Variants in FRMD4B observed in about 807,000 individuals in gnomAD.
The protein encoded by FRMD4B is FERM domain containing 4B, also known as FERM domain-containing protein 4B.
In FRMD4B, 74 loss-of-function variants were observed where a neutral mutation model predicts 141.5. That is an observed-to-expected ratio of 0.52 (90% confidence interval 0.43 to 0.63). The LOEUF (loss-of-function observed/expected upper bound fraction) is 0.63. Among genes scored for constraint, FRMD4B ranks in the 30% least tolerant of loss-of-function variants. The probability of loss-of-function intolerance (pLI) is 0.00; values close to 1 mark genes in which losing one functional copy is unlikely to be tolerated. For missense variants in FRMD4B, 1,366 were observed against 1,253.4 expected (o/e 1.09, Z -1.36); for synonymous variants, 506 against 467.9 (o/e 1.08, Z -1.05).
At chr3:69,391,692 G>A (rs769533333) in intron 2 of FRMD4B, among the ~76,000 whole-genome samples, 1 of 152,108 alleles carries the variant, frequency 6.6e-6, no homozygotes, top group Non-Finnish European at 1.5e-5. Context: ...ACACACAATG[G>A]GATATTGCTC....
intron 7 of FRMD4B, among the ~76,000 whole-genome samples, chr3:69,225,895 A>G (rs1234562916): frequency 2.0e-5 from 3 of 152,226 alleles, no homozygotes; most frequent in Non-Finnish European, 1.5e-5. Flanking sequence ...ATCAAACAGC[A>G]TAATGCTAAC....
chr3:69,429,251 G>A (rs1245317026), intron 2 of FRMD4B, among the ~76,000 whole-genome samples: 2 of 152,152 alleles, frequency 1.3e-5, no homozygotes, highest in South Asian at 2.1e-4. Context: ...ATTTGTGCCA[G>A]TTTATCTGGA....
intron 11 of FRMD4B, chr3:69,199,078 CG>C (rs1553699524): frequency 3.9e-6 from 1 of 256,754 alleles, no homozygotes; most frequent in Non-Finnish European, 7.7e-6. Context: ...AGACCATCCT[CG>C]CTAACACGGT....
intron 1 of FRMD4B, among the ~76,000 whole-genome samples, chr3:69,435,102 T>C (rs1368439553): frequency 4.6e-5 from 7 of 152,138 alleles, no homozygotes; most frequent in Non-Finnish European, 5.9e-5. Context: ...ATCACCTCTT[T>C]AGAGACCCTA....
intron 1 of FRMD4B, among the ~76,000 whole-genome samples, chr3:69,477,202 C>T (rs907942025): frequency 6.6e-6 from 1 of 151,994 alleles, no homozygotes; most frequent in African/African-American, 2.4e-5. Flanking sequence ...TTATTTCCTT[C>T]TCCTGCCTGA....
chr3:69,472,925 C>CTTTTTTT (rs796453101), intron 1 of FRMD4B, among the ~76,000 whole-genome samples: 1,095 of 90,636 alleles, frequency 0.012, 56 homozygotes, highest in South Asian at 0.026. Context: ...GTGAGTCTTT[C>CTTTTTTT]TTTTTTTTTT....
In FRMD4B at chr3:69,193,658, T is replaced by C; in HGVS notation, c.1704A>G (p.Thr568=). Residue 568 remains threonine, a synonymous_variant, in exon 17 of 23, where the codon ACA becomes ACG. Coordinates refer to ENST00000398540, the MANE Select transcript of FRMD4B (RefSeq NM_015123.3). ...TTACTTATTACTAACCTGGTAACACTGTTGCTTTCTGGCTGGGTTTCTTTC... is the reference window on the plus strand; with the variant it reads ...TTACTTATTACTAACCTGGTAACACCGTTGCTTTCTGGCTGGGTTTCTTTC... ...RCGKKPSQKA[T]VLPEDIIPSE... is the part of the protein sequence containing the mutation. The C allele has an allele frequency of 6.2e-7, 1 of 1,604,734 alleles. No homozygotes were observed. Among genetic ancestry groups the C allele is most frequent in the Non-Finnish European group, 8.5e-7 (1 of 1,172,172 alleles).
intron 1 of FRMD4B, among the ~76,000 whole-genome samples, chr3:69,356,166 C>T (rs1330462520): frequency 2.0e-5 from 3 of 152,030 alleles, no homozygotes; most frequent in African/African-American, 7.2e-5. Context: ...AATAAAATCA[C>T]TCTACCCCCA....
chr3:69,290,959 T>A (rs1292180319), intron 4 of FRMD4B, among the ~76,000 whole-genome samples: 1 of 152,170 alleles, frequency 6.6e-6, no homozygotes, highest in Admixed American at 6.5e-5. Context: ...CTCAACCATG[T>A]AAAAAATAGC....
At chr3:69,385,776 CG>C in intron 1 of FRMD4B, 51 bp downstream of exon 1, 1 of 1,435,380 alleles carries the variant, frequency 7.0e-7, no homozygotes, top group Non-Finnish European at 9.3e-7. Context: ...CTGCTTCCCA[CG>C]AGTGCCCGGC....
intron 22 of FRMD4B, among the ~76,000 whole-genome samples, chr3:69,176,103 A>T (rs568251622): frequency 1.8e-4 from 27 of 152,236 alleles, no homozygotes; most frequent in African/African-American, 6.3e-4. Context: ...TAAAGGCCAG[A>T]TATTTTTGGC....
intron 1 of FRMD4B, among the ~76,000 whole-genome samples, chr3:69,458,330 G>C (rs866566075): frequency 6.6e-6 from 1 of 152,186 alleles, no homozygotes; most frequent in Non-Finnish European, 1.5e-5. Flanking sequence ...TATGCTCACA[G>C]AGCATGAGGC....
intron 5 of FRMD4B, among the ~76,000 whole-genome samples, chr3:69,269,281 A>G (rs76709244): frequency 2.0e-5 from 3 of 151,846 alleles, no homozygotes; most frequent in East Asian, 3.9e-4. Context: ...AATATCATCA[A>G]TAACTACAAA....
chr3:69,233,983 A>G (rs2093328595), intron 7 of FRMD4B, among the ~76,000 whole-genome samples: 1 of 152,178 alleles, frequency 6.6e-6, no homozygotes. Context: ...GTAGTAGCTC[A>G]TGTCTGTAAT....
In FRMD4B at chr3:69,182,680, G is replaced by C. The variant is rs370756612; in HGVS notation, c.1957C>G (p.Leu653Val). The C allele has an allele frequency of 4.1e-5, 66 of 1,613,558 alleles. No homozygotes were observed. Among genetic ancestry groups the C allele is most frequent in the Middle Eastern group, 1.6e-4 (1 of 6,084 alleles). The change falls in exon 20 of 23, where the codon CTG becomes GTG. Residue 653 changes from leucine to valine, a missense_variant. Leu to Val is a conservative substitution (Grantham distance 32). Transcript: ENST00000398540. ...LSTHSSPYKT[L>V]ERRPQGGRSM... ...CGTCCTCCCTGGGGCCGCCTCTCCA[G>C]AGTTTTGTAAGGGCTGCTGTGTGTG...
At chr3:69,247,327 C>A (rs1357552044) in intron 7 of FRMD4B, among the ~76,000 whole-genome samples, 1 of 152,040 alleles carries the variant, frequency 6.6e-6, no homozygotes, top group East Asian at 1.9e-4. Flanking sequence ...TGAGTGTGAG[C>A]TTTTGGGCCC....
At chr3:69,236,234 T>TG (rs981099637) in intron 7 of FRMD4B, among the ~76,000 whole-genome samples, 1 of 151,574 alleles carries the variant, frequency 6.6e-6, no homozygotes, top group African/African-American at 2.4e-5. Context: ...TTTGGTTTTT[T>TG]TTTTTTTTTT....
intron 1 of FRMD4B, among the ~76,000 whole-genome samples, chr3:69,475,671 G>A (rs1234323856): frequency 1.3e-5 from 2 of 152,084 alleles, no homozygotes; most frequent in African/African-American, 2.4e-5. Flanking sequence ...AAACATACGT[G>A]TGCATGTGTC....
intron 1 of FRMD4B, among the ~76,000 whole-genome samples, chr3:69,337,075 C>T (rs1451209210): frequency 6.6e-6 from 1 of 152,100 alleles, no homozygotes; most frequent in Non-Finnish European, 1.5e-5. Context: ...GCTACAGTAA[C>T]CAAAACAGCA....
Sources: allele counts gnomAD v4.1 joint callset (sites outside exome capture counted in the v4.1 genomes callset), GRCh38; gene constraint gnomAD v4.1.1; transcripts MANE v1.5; gene names NCBI Gene and HGNC (gene_info 2026-07-23, HGNC 2026-07-21).